Variants in SLC20A2 observed in about 807,000 individuals in gnomAD.
The protein encoded by SLC20A2 is sodium-dependent phosphate transporter 2.
Under a neutral mutation model 61.0 loss-of-function variants are expected in SLC20A2, and 30 were observed. The observed-to-expected ratio is 0.49, with a 90% CI of 0.37 to 0.67. SLC20A2 has a LOEUF of 0.67. Among genes scored for constraint, SLC20A2 ranks in the 30% least tolerant of loss-of-function variants. The probability of loss-of-function intolerance (pLI) is 0.00; values close to 1 mark genes in which losing one functional copy is unlikely to be tolerated. For missense variants in SLC20A2, 626 were observed against 866.4 expected, an observed-to-expected ratio of 0.72 and a Z score of 3.48; for synonymous variants, 351 against 353.3, an observed-to-expected ratio of 0.99 and a Z score of 0.07.
intron 1 of SLC20A2, among the ~76,000 whole-genome samples, chr8:42,518,293 A>T (rs1435109380): frequency 2.0e-5 from 3 of 152,212 alleles, no homozygotes; most frequent in African/African-American, 4.8e-5. Flanking sequence ...GTCCATTCAC[A>T]GGGAAATGGT....
chr8:42,540,050 G>A (rs970592862), intron 1 of SLC20A2, among the ~76,000 whole-genome samples: 8 of 152,210 alleles, frequency 5.3e-5, no homozygotes, highest in African/African-American at 1.9e-4. Context: ...CCAGCACTTT[G>A]GGAGGCCGAG....
At chr8:42,462,292 G>A (rs919576551) in intron 4 of SLC20A2, among the ~76,000 whole-genome samples, 5 of 152,294 alleles carry the variant, frequency 3.3e-5, no homozygotes, top group African/African-American at 7.2e-5. Flanking sequence ...CTCTCCGAGA[G>A]AATGGACCCT....
At position 42,439,643 on chromosome 8, in the gene SLC20A2, T is replaced by C. The variant is rs780742239; in HGVS notation, c.741A>G (p.Gln247=). The change falls in exon 7 of 11, where the codon CAA becomes CAG. Residue 247 remains glutamine (Q), a synonymous_variant. Transcript: ENST00000520262. ...WMRRKITGKL[Q]KEGALSRVSD... Reference sequence around the variant, plus strand: ...ATACTCGTGATAAAGCACCTTCTTTTTGTAATTTGCCTAAAGAAAACAAAG... The same window carrying C: ...ATACTCGTGATAAAGCACCTTCTTTCTGTAATTTGCCTAAAGAAAACAAAG... The C allele has an allele frequency of 1.7e-5, 28 of 1,613,694 alleles. No homozygotes were observed. Among genetic ancestry groups the C allele is most frequent in the Admixed American group, 3.3e-5 (2 of 60,024 alleles).
intron 1 of SLC20A2, among the ~76,000 whole-genome samples, chr8:42,509,362 A>G (rs1013794792): frequency 1.1e-4 from 17 of 152,162 alleles, no homozygotes; most frequent in African/African-American, 3.6e-4. Context: ...AAAAGAACAC[A>G]GGCTGTCCTT....
chr8:42,483,622 C>T (rs1459636291), intron 1 of SLC20A2, among the ~76,000 whole-genome samples: 1 of 152,200 alleles, frequency 6.6e-6, no homozygotes, highest in African/African-American at 2.4e-5. Flanking sequence ...ACATTTTCTC[C>T]TTTCTTCCTT....
At chr8:42,419,439 T>C (rs1802899426) in intron 10 of SLC20A2, among the ~76,000 whole-genome samples, 1 of 151,926 alleles carries the variant, frequency 6.6e-6, no homozygotes, top group East Asian at 1.9e-4. Flanking sequence ...GGTGTGGTGG[T>C]GCATACCTGG....
At chr8:42,503,327 TG>T, upstream of SLC20A2, among the ~76,000 whole-genome samples, 1 of 152,310 alleles carries the variant, frequency 6.6e-6, no homozygotes, top group Middle Eastern at 3.4e-3. Context: ...TCTTCCCATT[TG>T]TTCTCATTAA....
At chr8:42,456,514 C>T (rs774355180) in intron 5 of SLC20A2, among the ~76,000 whole-genome samples, 14 of 152,050 alleles carry the variant, frequency 9.2e-5, no homozygotes, top group Non-Finnish European at 1.5e-4. Context: ...AGGCGGATCA[C>T]GAGGTCAGGA....
intron 1 of SLC20A2, among the ~76,000 whole-genome samples, chr8:42,489,238 C>T (rs1809315113): frequency 6.6e-6 from 1 of 152,112 alleles, no homozygotes; most frequent in South Asian, 2.1e-4. Context: ...CGCGCTTGGC[C>T]AGGTTCTTTT....
intron 1 of SLC20A2, among the ~76,000 whole-genome samples, chr8:42,478,131 G>A (rs774766841): frequency 4.6e-5 from 7 of 151,472 alleles, no homozygotes; most frequent in African/African-American, 1.2e-4. Context: ...TGATCAACCC[G>A]CCTCGGCCTC....
Position 42,417,396 on chromosome 8 carries a change from C to T in SLC20A2, c.*407G>A, listed in dbSNP as rs1802732582. On this transcript the variant is annotated 3_prime_UTR_variant, in exon 11 of 11. Transcript: ENST00000520262. Reference sequence around the variant, plus strand: ...AAATCATTTTCCAATCTACACTTTCCTTTTAGAAGGCTTAACATTTGCCAT... The same window carrying T: ...AAATCATTTTCCAATCTACACTTTCTTTTTAGAAGGCTTAACATTTGCCAT... 1 of 158,166 alleles carries T rather than the reference C, an allele frequency of 6.3e-6. No individual in the cohort carries two copies. Among genetic ancestry groups the T allele is most frequent in the Admixed American group, 6.0e-5 (1 of 16,608 alleles). The allele number at this position is 158,166 out of a possible 1,614,324, so 9.8% of individuals were successfully genotyped here.
chr8:42,473,186 G>C (rs1807783521), intron 1 of SLC20A2, among the ~76,000 whole-genome samples: 1 of 152,154 alleles, frequency 6.6e-6, no homozygotes, highest in African/African-American at 2.4e-5. Context: ...CCTGGCGAGA[G>C]GTCACTCATC....
At chr8:42,513,205 G>A (rs1171391610) in intron 1 of SLC20A2, among the ~76,000 whole-genome samples, 1 of 152,188 alleles carries the variant, frequency 6.6e-6, no homozygotes, top group African/African-American at 2.4e-5. Context: ...ACAAAGGCCA[G>A]GGGTGAGATC....
At position 42,444,741 on chromosome 8, in the gene SLC20A2, A is replaced by T; in HGVS notation, c.635T>A (p.Met212Lys). 5 of 1,613,908 alleles carry T rather than the reference A, an allele frequency of 3.1e-6. No individual in the cohort carries two copies. Among genetic ancestry groups the T allele is most frequent in the Non-Finnish European group, 4.2e-6 (5 of 1,179,816 alleles). ...AAAGGAAATGAGGGCTATGGCCCAC[A>T]TGGGGAGAACAAGGCCGAGCACTGG... ...GAPVLGLVLP[M>K]WAIALISFGV... Residue 212 changes from methionine (M) to lysine (K), a missense_variant, in exon 6 of 11, where the codon ATG (methionine) becomes AAG (lysine). This residue lies in a region of SLC20A2 where 361 missense variants were observed against 422.3 expected (regional missense o/e 0.85). Transcript: ENST00000520262.
upstream of SLC20A2, among the ~76,000 whole-genome samples, chr8:42,506,097 C>T (rs1165097745): frequency 1.3e-5 from 2 of 152,176 alleles, no homozygotes; most frequent in Non-Finnish European, 1.5e-5. Context: ...TGTGCCACCA[C>T]GACCAGCTGA....
intron 1 of SLC20A2, among the ~76,000 whole-genome samples, chr8:42,488,188 T>TC (rs1809192792): frequency 6.9e-6 from 1 of 145,846 alleles, no homozygotes; most frequent in African/African-American, 2.6e-5. Flanking sequence ...TGCTTTTTTT[T>TC]TTTTTTTTTT....
intron 1 of SLC20A2, among the ~76,000 whole-genome samples, chr8:42,527,909 CAT>C (rs1186956365): frequency 2.0e-5 from 3 of 152,034 alleles, no homozygotes; most frequent in East Asian, 1.9e-4. Flanking sequence ...ATTTTAAAAA[CAT>C]GTGTATGTGT....
intron 2 of SLC20A2, among the ~76,000 whole-genome samples, chr8:42,467,632 C>T (rs991281809): frequency 2.0e-5 from 3 of 152,188 alleles, no homozygotes; most frequent in African/African-American, 7.2e-5. Context: ...GCAACACACA[C>T]AGTTGCTGCC....
intron 2 of SLC20A2, among the ~76,000 whole-genome samples, chr8:42,468,864 G>A (rs1173935412): frequency 1.3e-5 from 2 of 152,200 alleles, no homozygotes; most frequent in African/African-American, 4.8e-5. Context: ...AAAAAAAGAT[G>A]CAGAGTTTTG....
Sources: allele counts gnomAD v4.1 joint callset (sites outside exome capture counted in the v4.1 genomes callset), GRCh38; gene constraint gnomAD v4.1.1; regional missense constraint gnomAD v4.1.1; transcripts MANE v1.5; gene names NCBI Gene and HGNC (gene_info 2026-07-23, HGNC 2026-07-21).